PTCD2: variants seen among roughly 807,000 people sequenced by gnomAD.
The protein encoded by PTCD2 is pentatricopeptide repeat-containing protein 2, mitochondrial.
In PTCD2, 31 loss-of-function variants were observed where a neutral mutation model predicts 42.6. The observed-to-expected ratio is 0.73, with a 90% CI of 0.55 to 0.98. The LOEUF is 0.98. Among genes scored for constraint, PTCD2 ranks in the 50% least tolerant of loss-of-function variants. The probability of loss-of-function intolerance (pLI) is 0.00; values close to 1 mark genes in which losing one functional copy is unlikely to be tolerated. For missense variants in PTCD2, 476 were observed against 454.8 expected (o/e 1.05, Z -0.42); for synonymous variants, 183 against 170.9 (o/e 1.07, Z -0.55).
chr5:72,329,286 T>G (rs1029880272), intron 3 of PTCD2, among the ~76,000 whole-genome samples: 2 of 152,188 alleles, frequency 1.3e-5, no homozygotes, highest in African/African-American at 4.8e-5. Flanking sequence ...TCCACCAACA[T>G]GTTCTCTTTC....
intron 7 of PTCD2, among the ~76,000 whole-genome samples, chr5:72,341,238 T>A (rs1752042070): frequency 6.6e-6 from 1 of 152,060 alleles, no homozygotes; most frequent in Non-Finnish European, 1.5e-5. Flanking sequence ...GAGACAGGGT[T>A]TCACCATATT....
intron 2 of PTCD2, among the ~76,000 whole-genome samples, chr5:72,324,458 C>T (rs1751031975): frequency 6.6e-6 from 1 of 152,198 alleles, no homozygotes; most frequent in African/African-American, 2.4e-5. Flanking sequence ...TCCCTCCACA[C>T]CTGTCATTCC....
chr5:72,354,687 A>G (rs761622317), intron 9 of PTCD2, among the ~76,000 whole-genome samples: 2 of 152,336 alleles, frequency 1.3e-5, no homozygotes, highest in East Asian at 1.9e-4. Flanking sequence ...TTGGTACACT[A>G]CAAATACTTT....
rs1055153089 is a variant in PTCD2 at position 72,365,952 on chromosome 5, G to A, written c.*7525G>A. The stretch of plus-strand genomic sequence containing the variant: ...TTACCAGCTGGGCAAGGTAGCTCAA[G>A]TTTGTAATCCCAGCACTTAGGGAGG... On this transcript the variant is annotated 3_prime_UTR_variant, in exon 10 of 10. Coordinates refer to ENST00000380639, the MANE Select transcript of PTCD2 (RefSeq NM_024754.5). The A allele has an allele frequency of 3.9e-5, 6 of 152,222 alleles. No homozygotes were observed. The highest frequency in any genetic ancestry group is 7.3e-5 in the Non-Finnish European group (5 of 68,060). The allele number at this position is 152,222 out of a possible 1,614,324, so 9.4% of individuals were successfully genotyped here.
At chr5:72,328,939 A>G (rs1023396736) in intron 3 of PTCD2, among the ~76,000 whole-genome samples, 2 of 152,202 alleles carry the variant, frequency 1.3e-5, no homozygotes, top group East Asian at 3.8e-4. Context: ...AAGTTTATCA[A>G]TATATAACTG....
rs1313247933 is a variant in PTCD2, at chr5:72,364,766, G to T, written c.*6339G>T. On this transcript the variant is annotated 3_prime_UTR_variant, in exon 10 of 10. Transcript: ENST00000380639. ...AGTAGAATGACTTGCCTGTGCGGGGGTCCTGGGTTGGCCAGTGCATTCATG... is the reference window on the plus strand; with the variant it reads ...AGTAGAATGACTTGCCTGTGCGGGGTTCCTGGGTTGGCCAGTGCATTCATG... 1 of 152,144 alleles carries T rather than the reference G, an allele frequency of 6.6e-6. No individual in the cohort carries two copies. Among genetic ancestry groups the T allele is most frequent in the Non-Finnish European group, 1.5e-5 (1 of 68,042 alleles). 9.4% of individuals were successfully genotyped at this position (152,144 alleles called of 1,614,324 possible). A position where few individuals can be genotyped will look rare whatever the true frequency, so the allele number is the denominator to read the frequency against.
At position 72,331,268 on chromosome 5, in the gene PTCD2, G is replaced by T; in HGVS notation, c.361G>T (p.Glu121Ter). The change falls in exon 4 of 10, where the codon GAG (glutamate) becomes TAG (stop). Residue 121 changes from glutamate to a stop codon, truncating the protein, a stop_gained. Transcript: ENST00000380639. LOFTEE classifies it high-confidence loss of function. Reference sequence around the variant, plus strand: ...CATTTTCATTACCAGGTACCATGCAGAGAACAAAAATTTCACTTTGGGGGA... The same window carrying T: ...CATTTTCATTACCAGGTACCATGCATAGAACAAAAATTTCACTTTGGGGGA... ...AKNVIYRYHAENKNFTLGEYK... is the reference protein window; with the variant it reads ...AKNVIYRYHA 1 of 1,611,326 alleles carries T rather than the reference G, an allele frequency of 6.2e-7. No homozygotes were observed. Among genetic ancestry groups the T allele is most frequent in the South Asian group, 1.1e-5 (1 of 91,006 alleles).
chr5:72,330,997 G>A (rs1751412654), intron 3 of PTCD2, among the ~76,000 whole-genome samples: 1 of 152,206 alleles, frequency 6.6e-6, no homozygotes, highest in Non-Finnish European at 1.5e-5. Context: ...TTTAGAGAAT[G>A]ATTACAACAT....
Position 72,331,460 on chromosome 5 carries a change from C to T in PTCD2, c.468+85C>T, listed in dbSNP as rs192199008. The T allele has an allele frequency of 1.4e-5, 14 of 987,608 alleles. No individual in the cohort carries two copies. The Admixed American group carries it at 1.6e-4, about 11-fold the overall frequency. 61.2% of individuals were successfully genotyped at this position (987,608 alleles called of 1,614,324 possible). A position where few individuals can be genotyped will look rare whatever the true frequency, so the allele number is the denominator to read the frequency against. ...GGCATGTCTTCTATGTACATTATTCCTGGGTTAGATTTTCAAAGAAAGGCT... is the reference window on the plus strand; with the variant it reads ...GGCATGTCTTCTATGTACATTATTCTTGGGTTAGATTTTCAAAGAAAGGCT... On this transcript the variant is annotated intron_variant, in intron 4 of 9. Transcript: ENST00000380639.
chr5:72,326,820 G>A (rs1297300051), intron 3 of PTCD2, 79 bp downstream of exon 3: 14 of 1,469,524 alleles, frequency 9.5e-6, no homozygotes, highest in South Asian at 3.8e-5. Context: ...GATCCACTTC[G>A]AAGTTGTTGC....
rs1021790107 is a variant in PTCD2, at chr5:72,367,289, T to G, written c.*8862T>G. ...ACTATACTGGGGCTGGGATGGGGAT[T>G]CTGATGAGAGATATCCCTGACAGAG... On this transcript the variant is annotated 3_prime_UTR_variant, in exon 10 of 10. Coordinates refer to ENST00000380639, the MANE Select transcript of PTCD2 (RefSeq NM_024754.5). 2.4e-4 allele frequency: 36 copies of G among 152,292 alleles called. No homozygotes were observed. The highest frequency in any genetic ancestry group is 8.7e-4 in the African/African-American group (36 of 41,558). The allele number at this position is 152,292 out of a possible 1,614,324, so 9.4% of individuals were successfully genotyped here.
rs567456017 is a variant in PTCD2, at chr5:72,363,852, T to C, written c.*5425T>C. ...CAATTGTGGCAAAACTACATGAGAC[T>C]TGACTAAAATAACCCACAATTCAAA... On this transcript the variant is annotated 3_prime_UTR_variant, in exon 10 of 10. Coordinates refer to ENST00000380639, the MANE Select transcript of PTCD2 (RefSeq NM_024754.5). The C allele has an allele frequency of 2.0e-5, 3 of 152,306 alleles. No homozygotes were observed. Among genetic ancestry groups the C allele is most frequent in the African/African-American group, 7.2e-5 (3 of 41,584 alleles). The allele number at this position is 152,306 out of a possible 1,614,324, so 9.4% of individuals were successfully genotyped here.
In PTCD2 at chr5:72,361,773, A is replaced by G. The variant is rs907569649; in HGVS notation, c.*3346A>G. On this transcript the variant is annotated 3_prime_UTR_variant, in exon 10 of 10. Transcript: ENST00000380639. ...GGCCCACATTTGTCCATCCAGCTCC[A>G]ACTCTTGCTACTCTACGCCCCTCTT... The G allele has an allele frequency of 2.0e-5, 3 of 152,294 alleles. No homozygotes were observed. Among genetic ancestry groups the G allele is most frequent in the African/African-American group, 7.2e-5 (3 of 41,450 alleles). 9.4% of individuals were successfully genotyped at this position (152,294 alleles called of 1,614,324 possible).
At chr5:72,332,752 T>C (rs1297110204) in intron 4 of PTCD2, among the ~76,000 whole-genome samples, 2 of 152,230 alleles carry the variant, frequency 1.3e-5, no homozygotes, top group Non-Finnish European at 2.9e-5. Flanking sequence ...ATCCTGCTTC[T>C]AGCCGAACTT....
In PTCD2 at chr5:72,341,636, C is replaced by T. The variant is rs1752070678; in HGVS notation, c.754-1326C>T. 2.0e-5 allele frequency among the ~76,000 whole-genome samples: 3 copies of T among 152,068 alleles called. No individual in the cohort carries two copies. In the South Asian group the frequency reaches 6.2e-4, roughly 32 times the overall value. ...GTACATGCCTGTAGTCCTTGCTGCT[C>T]AGGAGACTGAGGCAGGAAAATAGCT... On this transcript the variant is annotated intron_variant, in intron 7 of 9. Transcript: ENST00000380639.
chr5:72,321,265 ATGTT>A (rs1750828652), intron 1 of PTCD2: 1 of 152,248 alleles, frequency 6.6e-6, no homozygotes, highest in Non-Finnish European at 1.5e-5. Flanking sequence ...GATAGTAAAA[ATGTT>A]TGTCAGGCAT....
chr5:72,351,716 A>T (rs1380723808), intron 8 of PTCD2, among the ~76,000 whole-genome samples: 4 of 152,158 alleles, frequency 2.6e-5, no homozygotes. Context: ...ACTGACTATC[A>T]TGAGAACAGC....
intron 9 of PTCD2, among the ~76,000 whole-genome samples, chr5:72,353,734 C>T (rs1318253484): frequency 6.6e-6 from 1 of 152,098 alleles, no homozygotes; most frequent in Non-Finnish European, 1.5e-5. Flanking sequence ...TAGAGACAAG[C>T]ATCTCAAATC....
intron 3 of PTCD2, among the ~76,000 whole-genome samples, chr5:72,327,138 A>T (rs976619502): frequency 2.6e-5 from 4 of 152,124 alleles, no homozygotes; most frequent in Non-Finnish European, 4.4e-5. Flanking sequence ...CTCTTTCCTG[A>T]TAGGGTAAGA....
Sources: gnomAD v4.1 joint callset for allele counts (sites outside exome capture counted in the v4.1 genomes callset) on GRCh38, gnomAD v4.1.1 for gene constraint, MANE v1.5 for transcripts, NCBI Gene and HGNC (gene_info 2026-07-23, HGNC 2026-07-21) for gene names.